TRPA1: variants seen among roughly 807,000 people sequenced by gnomAD.
The protein encoded by TRPA1 is transient receptor potential cation channel subfamily A member 1.
Under a neutral mutation model 131.3 loss-of-function variants are expected in TRPA1, and 129 were observed. That is an observed-to-expected ratio of 0.98 (90% confidence interval 0.85 to 1.14). The LOEUF (loss-of-function observed/expected upper bound fraction) is 1.14. Ranked by LOEUF, TRPA1 falls within the 50% of genes most tolerant of loss-of-function variation. The probability of loss-of-function intolerance (pLI) is 0.00; values close to 1 mark genes in which losing one functional copy is unlikely to be tolerated. For synonymous variants in TRPA1, 441 were observed against 451.7 expected (o/e 0.98, Z 0.30); for missense variants, 1,304 against 1,354.2 (o/e 0.96, Z 0.58).
the TRPA1 span, among the ~76,000 whole-genome samples, chr8:72,082,392 A>G: frequency 2.0e-5 from 3 of 152,034 alleles, no homozygotes; most frequent in Non-Finnish European, 4.4e-5. Context: ...AAAGAAGAAA[A>G]TAGGATACAC....
rs138311359 is a variant in TRPA1, at chr8:72,067,514, C to T, written c.444+1509G>A. 5.0e-3 allele frequency among the ~76,000 whole-genome samples: 757 copies of T among 152,186 alleles called. 13 individuals carry two copies. Among genetic ancestry groups the T allele is most frequent in the Non-Finnish European group, 2.8e-3 (192 of 68,000 alleles). ...TTTATTTTCCATTTCTATGTGATAC[C>T]TACCTTTCTGTATTTGTTGGTCTGG... On this transcript the variant is annotated intron_variant, in intron 3 of 26. Coordinates refer to ENST00000262209, the MANE Select transcript of TRPA1 (RefSeq NM_007332.3).
At chr8:72,073,560 T>G (rs891536065) in intron 1 of TRPA1, among the ~76,000 whole-genome samples, 1 of 152,222 alleles carries the variant, frequency 6.6e-6, no homozygotes, top group Non-Finnish European at 1.5e-5. Context: ...ATGGAACTAC[T>G]ACAGTTAATG....
At chr8:72,032,592 G>A (rs545522738) in intron 23 of TRPA1, among the ~76,000 whole-genome samples, 1 of 152,318 alleles carries the variant, frequency 6.6e-6, no homozygotes, top group East Asian at 1.9e-4. Context: ...CACAGCGGGC[G>A]CTGGATGTTT....
the TRPA1 span, among the ~76,000 whole-genome samples, chr8:72,084,647 A>ATTTTTT: frequency 9.5e-5 from 10 of 104,970 alleles, no homozygotes; most frequent in Admixed American, 2.0e-4. Flanking sequence ...TAAAATGATA[A>ATTTTTT]TTTTTTTTTT....
intron 19 of TRPA1, 22 bp from the exon 20 acceptor site, chr8:72,038,094 C>CAT: frequency 8.2e-7 from 1 of 1,213,010 alleles, no homozygotes; most frequent in East Asian, 2.4e-5. Context: ...AAGGATAAGA[C>CAT]ACATAGTTAT....
chr8:72,038,754 G>A (rs1451625495), intron 19 of TRPA1, 111 bp downstream of exon 19: 1 of 909,908 alleles, frequency 1.1e-6, no homozygotes, highest in Non-Finnish European at 1.6e-6. Context: ...ATTCTTACAG[G>A]CTATTTATAA....
rs550162850 is a variant in TRPA1, at chr8:72,032,390, A to G, written c.2868+1254T>C. 2.6e-5 allele frequency among the ~76,000 whole-genome samples: 4 copies of G among 152,340 alleles called. No individual in the cohort carries two copies. The South Asian group carries it at 8.3e-4, about 32-fold the overall frequency. ...GGCAGTCCAAGCCAACCGGAAGCAG[A>G]TGTGACAGCCAAAGAATTATTGAAA... On this transcript the variant is annotated intron_variant, in intron 23 of 26. Transcript: ENST00000262209.
At position 72,036,398 on chromosome 8, in the gene TRPA1, G is replaced by T. The variant is rs1335200333; in HGVS notation, c.2445C>A (p.Gly815=). The change falls in exon 21 of 27, where the codon GGC becomes GGA. Residue 815 remains glycine, a synonymous_variant. Transcript: ENST00000262209. ...NVLEWIIYTT[G]IIFVLPLFVE... ...CAAACAAGGGCAGCACAAAAATGAT[G>T]CCCGTCGTGTAGATAATCCATTCAA... 6.2e-7 allele frequency: 1 copy of T among 1,614,114 alleles called. No individual in the cohort carries two copies. Among genetic ancestry groups the T allele is most frequent in the Admixed American group, 1.7e-5 (1 of 60,022 alleles).
intron 21 of TRPA1, among the ~76,000 whole-genome samples, chr8:72,035,200 C>G (rs1453792193): frequency 6.6e-6 from 1 of 152,198 alleles, no homozygotes; most frequent in Non-Finnish European, 1.5e-5. Flanking sequence ...GAGGAACTTA[C>G]AAGATTCTAA....
intron 16 of TRPA1, 31 bp from the exon 17 acceptor site, chr8:72,046,639 T>C: frequency 8.2e-7 from 1 of 1,213,658 alleles, no homozygotes; most frequent in Non-Finnish European, 1.2e-6. Flanking sequence ...TTTAAAAAAA[T>C]GTACAGTTAG....
At chr8:72,046,438 C>T in intron 17 of TRPA1, 75 bp downstream of exon 17, 1 of 900,994 alleles carries the variant, frequency 1.1e-6, no homozygotes, top group Non-Finnish European at 1.7e-6. Context: ...CACATGTACC[C>T]TAAAACTTAA....
Position 72,050,795 on chromosome 8 carries a change from G to A in TRPA1, c.1888C>T (p.Leu630Phe), listed in dbSNP as rs774338121. The A allele has an allele frequency of 6.2e-7, 1 of 1,610,240 alleles. No homozygotes were observed. Among genetic ancestry groups the A allele is most frequent in the Non-Finnish European group, 8.5e-7 (1 of 1,177,582 alleles). The change falls in exon 15 of 27, where the codon CTC becomes TTC. Residue 630 changes from leucine (L) to phenylalanine (F), a missense_variant. By Grantham distance (22) the Leu-to-Phe change is conservative (BLOSUM62 0). Coordinates refer to ENST00000262209, the MANE Select transcript of TRPA1 (RefSeq NM_007332.3). ...GAATTTACCTTCATGCATTCAGGGAGGTATTCTATCATTTCTGTAATTGGA... is the reference window on the plus strand; with the variant it reads ...GAATTTACCTTCATGCATTCAGGGAAGTATTCTATCATTTCTGTAATTGGA... ...KCPITEMIEY[L>F]PECMKVLLDF...
At chr8:72,035,519 T>A (rs904831534) in intron 21 of TRPA1, among the ~76,000 whole-genome samples, 1 of 152,184 alleles carries the variant, frequency 6.6e-6, no homozygotes, top group African/African-American at 2.4e-5. Flanking sequence ...CTGAAATCAG[T>A]GCTTCAGCTT....
Position 72,055,818 on chromosome 8 carries a change from T to C in TRPA1, c.1232A>G (p.Asn411Ser). The C allele has an allele frequency of 1.2e-6, 2 of 1,613,508 alleles. No individual in the cohort carries two copies. The highest frequency in any genetic ancestry group is 1.7e-6 in the Non-Finnish European group (2 of 1,179,662). Residue 411 changes from asparagine (N) to serine (S), a missense_variant, in exon 11 of 27, where the codon AAC (asparagine) becomes AGC (serine). Coordinates refer to ENST00000262209, the MANE Select transcript of TRPA1 (RefSeq NM_007332.3). Reference protein sequence around the residue: ...QIKELVMDEDNDGCTPLHYAC... With the variant: ...QIKELVMDEDSDGCTPLHYAC... ...ATAATGTAGAGGAGTACACCCATCG[T>C]TGTCTTCATCCATTACCAGCTCTTT...
Position 72,069,270 on chromosome 8 carries a change from A to C in TRPA1, c.269-72T>G. ...TTCAACACCTCCTGAGTGCCTATAC[A>C]CTATAAAACTCAGTGCCAAGTGCAA... On this transcript the variant is annotated intron_variant, in intron 2 of 26. Coordinates refer to ENST00000262209, the MANE Select transcript of TRPA1 (RefSeq NM_007332.3). 2.1e-6 allele frequency: 3 copies of C among 1,457,778 alleles called. No homozygotes were observed. The South Asian group carries it at 3.4e-5, about 17-fold the overall frequency. The allele number at this position is 1,457,778 out of a possible 1,614,324, so 90.3% of individuals were successfully genotyped here. A position where few individuals can be genotyped will look rare whatever the true frequency, so the allele number is the denominator to read the frequency against.
chr8:72,034,143 T>C (rs1421268043), intron 22 of TRPA1, 105 bp downstream of exon 22: 2 of 1,198,700 alleles, frequency 1.7e-6, no homozygotes, highest in East Asian at 5.3e-5. Context: ...ATTTGAATAC[T>C]GTTGTTATGT....
At chr8:72,053,025 G>T (rs1805564014) in intron 13 of TRPA1, 1 of 364,850 alleles carries the variant, frequency 2.7e-6, no homozygotes, top group Non-Finnish European at 5.2e-6. Context: ...GAGAGAGAGA[G>T]AGAGAGAGAG....
At chr8:72,028,503 C>T (rs1264321119) in intron 24 of TRPA1, among the ~76,000 whole-genome samples, 5 of 152,210 alleles carry the variant, frequency 3.3e-5, no homozygotes, top group African/African-American at 1.2e-4. Flanking sequence ...TGACTCATCT[C>T]ACCCCCTCCA....
intron 12 of TRPA1, chr8:72,054,165 G>T: frequency 2.6e-6 from 1 of 382,632 alleles, no homozygotes; most frequent in East Asian, 5.9e-5. Context: ...GCATGTCTGT[G>T]TCATACCTAA....
Sources: allele counts gnomAD v4.1 joint callset (sites outside exome capture counted in the v4.1 genomes callset), GRCh38; gene constraint gnomAD v4.1.1; transcripts MANE v1.5; gene names NCBI Gene and HGNC (gene_info 2026-07-23, HGNC 2026-07-21).